The following ARHGAP26 variants were observed in gnomAD, a reference collection of about 807,000 sequenced individuals.
ARHGAP26 encodes rho GTPase-activating protein 26.
A neutral mutation model predicts 104.8 loss-of-function variants in ARHGAP26; 38 were observed. The ratio of observed to expected loss-of-function variants is 0.36; its 90% CI spans 0.28 to 0.48. The LOEUF (loss-of-function observed/expected upper bound fraction) is 0.48. Among genes scored for constraint, ARHGAP26 ranks in the 20% least tolerant of loss-of-function variants. The probability of loss-of-function intolerance (pLI) is 0.99; values close to 1 mark genes in which losing one functional copy is unlikely to be tolerated. For synonymous variants in ARHGAP26, 341 were observed against 340.0 expected, an observed-to-expected ratio of 1.00 and a Z score of -0.03; for missense variants, 704 against 947.9, an observed-to-expected ratio of 0.74 and a Z score of 3.38.
At chr5:143,051,548 G>C (rs923517623) in intron 14 of ARHGAP26, among the ~76,000 whole-genome samples, 1 of 152,318 alleles carries the variant, frequency 6.6e-6, no homozygotes, top group East Asian at 1.9e-4. Context: ...TTGTAAGTGA[G>C]GGGAGCATCA....
Position 142,940,473 on chromosome 5 carries a change from G to A in ARHGAP26, c.1107+8348G>A, listed in dbSNP as rs145817891. Among the ~76,000 whole-genome samples, 797 of 151,876 alleles carry A rather than the reference G, an allele frequency of 5.2e-3. 1 individual carries two copies. The highest frequency in any genetic ancestry group is 9.2e-3 in the Non-Finnish European group (626 of 67,958). ...TTTTCCTGATCCTCTCCCTCCTCCC[G>A]CCCTCCACTGTCAAGTAGGCTCCAG... is the stretch of plus-strand genomic sequence containing the variant. On this transcript the variant is annotated intron_variant, in intron 11 of 22. Transcript: ENST00000645722.
intron 20 of ARHGAP26, among the ~76,000 whole-genome samples, chr5:143,195,483 A>G (rs1482747244): frequency 6.6e-6 from 1 of 152,148 alleles, no homozygotes; most frequent in Non-Finnish European, 1.5e-5. Flanking sequence ...CCAGAGAGCC[A>G]ATGCCCCTCA....
chr5:142,853,398 C>G (rs1321906673), intron 1 of ARHGAP26, among the ~76,000 whole-genome samples: 1 of 152,040 alleles, frequency 6.6e-6, no homozygotes, highest in Non-Finnish European at 1.5e-5. Context: ...ACCATGTTGG[C>G]CGGGCTGGTC....
chr5:142,775,092 T>C (rs1756028669), intron 1 of ARHGAP26, among the ~76,000 whole-genome samples: 1 of 152,152 alleles, frequency 6.6e-6, no homozygotes, highest in African/African-American at 2.4e-5. Context: ...TTTGGGTAAA[T>C]ACCAAGGAGT....
rs540782149 is a variant in ARHGAP26 at position 143,228,749 on chromosome 5, G to T, written c.*6303G>T. ...AAACTTCAGTATTGACTATTGACTC[G>T]TGCATAGAATCCAATGCTGTAATTA... On this transcript the variant is annotated 3_prime_UTR_variant, in exon 23 of 23. Transcript: ENST00000645722. 7.9e-5 allele frequency: 16 copies of T among 202,324 alleles called. No homozygotes were observed. In the South Asian group the frequency reaches 2.9e-3, roughly 36 times the overall value. The allele number at this position is 202,324 out of a possible 1,614,324, so 12.5% of individuals were successfully genotyped here. A position where few individuals can be genotyped will look rare whatever the true frequency, so the allele number is the denominator to read the frequency against.
intron 17 of ARHGAP26, among the ~76,000 whole-genome samples, chr5:143,114,002 ATTAC>A (rs1795104196): frequency 6.6e-6 from 1 of 152,126 alleles, no homozygotes; most frequent in Non-Finnish European, 1.5e-5. Context: ...CCTCGAGCCA[ATTAC>A]TTACCTTCTC....
intron 14 of ARHGAP26, among the ~76,000 whole-genome samples, chr5:143,049,425 A>G (rs570873727): frequency 6.6e-6 from 1 of 152,044 alleles, no homozygotes; most frequent in Non-Finnish European, 1.5e-5. Flanking sequence ...TTTTATTTCT[A>G]CTTTTCAGGT....
intron 18 of ARHGAP26, among the ~76,000 whole-genome samples, chr5:143,131,090 C>T (rs1797297164): frequency 6.6e-6 from 1 of 152,164 alleles, no homozygotes; most frequent in Admixed American, 6.5e-5. Flanking sequence ...AGCTGATTCT[C>T]TTATGCTTGA....
intron 12 of ARHGAP26, among the ~76,000 whole-genome samples, chr5:143,024,001 G>A (rs1780695388): frequency 1.3e-5 from 2 of 152,162 alleles, no homozygotes; most frequent in South Asian, 4.1e-4. Context: ...CCTAGGTGCT[G>A]ACTTTCTACA....
At chr5:142,973,287 C>T (rs1404557803) in intron 11 of ARHGAP26, among the ~76,000 whole-genome samples, 1 of 152,138 alleles carries the variant, frequency 6.6e-6, no homozygotes, top group African/African-American at 2.4e-5. Context: ...GTATCCATAC[C>T]GTGGAGTCCT....
At position 143,223,309 on chromosome 5, in the gene ARHGAP26, A is replaced by G. The variant is rs781151289; in HGVS notation, c.*863A>G. ...CAGGATCAAGGAATTAGGGTGGTCT[A>G]CTTGAGGCAGATGGGATAGTAGCTG... On this transcript the variant is annotated 3_prime_UTR_variant, in exon 23 of 23. Coordinates refer to ENST00000645722, the MANE Select transcript of ARHGAP26 (RefSeq NM_001135608.3). The G allele has an allele frequency of 9.0e-5, 21 of 233,048 alleles. No homozygotes were observed. The highest frequency in any genetic ancestry group is 1.2e-3 in the Middle Eastern group (1 of 806). 14.4% of individuals were successfully genotyped at this position (233,048 alleles called of 1,614,324 possible). A position where few individuals can be genotyped will look rare whatever the true frequency, so the allele number is the denominator to read the frequency against.
chr5:143,200,088 T>C (rs1237566816), intron 20 of ARHGAP26, among the ~76,000 whole-genome samples: 1 of 152,206 alleles, frequency 6.6e-6, no homozygotes, highest in Non-Finnish European at 1.5e-5. Context: ...TTGTATTCAT[T>C]CGTACATCAC....
intron 19 of ARHGAP26, among the ~76,000 whole-genome samples, chr5:143,136,856 G>C (rs1797970213): frequency 6.6e-6 from 1 of 152,160 alleles, no homozygotes; most frequent in Non-Finnish European, 1.5e-5. Flanking sequence ...TTAAAGTACA[G>C]GTAACGATTA....
intron 11 of ARHGAP26, among the ~76,000 whole-genome samples, chr5:142,990,958 C>G (rs572237415): frequency 6.6e-6 from 1 of 152,276 alleles, no homozygotes; most frequent in South Asian, 2.1e-4. Context: ...TCTCAAACTC[C>G]GTGTTGGGAG....
At chr5:143,200,950 A>G (rs997719225) in intron 20 of ARHGAP26, among the ~76,000 whole-genome samples, 6 of 152,238 alleles carry the variant, frequency 3.9e-5, no homozygotes, top group African/African-American at 1.4e-4. Flanking sequence ...CAAGTGAGTC[A>G]CCACAGAAGG....
intron 10 of ARHGAP26, among the ~76,000 whole-genome samples, chr5:142,920,175 AG>A (rs1763014499): frequency 6.6e-6 from 1 of 152,234 alleles, no homozygotes; most frequent in South Asian, 2.1e-4. Context: ...GAGAGGATTT[AG>A]TGTAAAATTT....
At chr5:142,908,463 G>A (rs1180077034) in intron 9 of ARHGAP26, among the ~76,000 whole-genome samples, 1 of 152,118 alleles carries the variant, frequency 6.6e-6, no homozygotes, top group Non-Finnish European at 1.5e-5. Context: ...TACTCCCAGG[G>A]CCTCGCCATT....
At chr5:142,981,256 T>C in intron 11 of ARHGAP26, among the ~76,000 whole-genome samples, 1 of 152,222 alleles carries the variant, frequency 6.6e-6, no homozygotes, top group East Asian at 1.9e-4. Flanking sequence ...TTAATTCACT[T>C]TCTAATCTTA....
intron 11 of ARHGAP26, among the ~76,000 whole-genome samples, chr5:142,963,848 A>G (rs1005477434): frequency 6.6e-6 from 1 of 152,370 alleles, no homozygotes; most frequent in South Asian, 2.1e-4. Context: ...CTATTTTATT[A>G]GAATATCTGC....
Sources: allele counts gnomAD v4.1 joint callset (sites outside exome capture counted in the v4.1 genomes callset), GRCh38; gene constraint gnomAD v4.1.1; transcripts MANE v1.5; gene names NCBI Gene and HGNC (gene_info 2026-07-23, HGNC 2026-07-21).